The following RTKN2 variants were observed in gnomAD, a reference collection of about 807,000 sequenced individuals.
The protein encoded by RTKN2 is rhotekin-2.
In RTKN2, 69 loss-of-function variants were observed where a neutral mutation model predicts 71.5. The observed-to-expected ratio is 0.96, with a 90% CI of 0.79 to 1.18. The LOEUF is 1.18. Among genes scored for constraint, RTKN2 ranks in the 50% most tolerant of loss-of-function variants. The pLI, the probability that RTKN2 is intolerant of heterozygous loss-of-function variation, is 0.00. For synonymous variants in RTKN2, 236 were observed against 236.5 expected (o/e 1.00, Z 0.02); for missense variants, 724 against 719.7 (o/e 1.01, Z -0.07).
chr10:62,211,551 GAAGA>G (rs1436407313), intron 9 of RTKN2, among the ~76,000 whole-genome samples: 2 of 152,114 alleles, frequency 1.3e-5, no homozygotes, highest in Non-Finnish European at 2.9e-5. Context: ...CATGAGAAAA[GAAGA>G]AAGACAATCA....
downstream of RTKN2, among the ~76,000 whole-genome samples, chr10:62,192,968 T>A (rs780319294): frequency 6.6e-6 from 1 of 152,160 alleles, no homozygotes. Flanking sequence ...GTATGTTATA[T>A]CTATAGTATT....
chr10:62,214,586 G>A (rs759096168), intron 9 of RTKN2, among the ~76,000 whole-genome samples: 1 of 152,042 alleles, frequency 6.6e-6, no homozygotes. Context: ...CCACTTTTCT[G>A]GAATTAGATC....
At chr10:62,189,547 C>G (rs1044731369), downstream of RTKN2, among the ~76,000 whole-genome samples, 3 of 152,150 alleles carry the variant, frequency 2.0e-5, no homozygotes, top group African/African-American at 7.2e-5. Context: ...ATTCACCCAC[C>G]AGGTGCAGTG....
intron 6 of RTKN2, among the ~76,000 whole-genome samples, chr10:62,233,521 G>C (rs1358758006): frequency 2.0e-5 from 3 of 151,886 alleles, no homozygotes; most frequent in African/African-American, 7.3e-5. Flanking sequence ...TCAGAATGTA[G>C]ACTGGGACTG....
At chr10:62,218,340 A>C in intron 7 of RTKN2, 39 bp from the exon 8 acceptor site, 1 of 1,330,932 alleles carries the variant, frequency 7.5e-7, no homozygotes, top group Non-Finnish European at 1.1e-6. Context: ...TCAAGTTATA[A>C]ATATAAGTTT....
At chr10:62,236,421 G>T (rs925008319) in intron 5 of RTKN2, among the ~76,000 whole-genome samples, 158 bp from the exon 6 acceptor site, 6 of 152,010 alleles carry the variant, frequency 3.9e-5, no homozygotes, top group Admixed American at 3.9e-4. Flanking sequence ...CCATAAGGAT[G>T]GCTATTATCA....
chr10:62,255,006 T>G (rs999788107), intron 2 of RTKN2, among the ~76,000 whole-genome samples: 2 of 151,934 alleles, frequency 1.3e-5, no homozygotes, highest in Admixed American at 6.6e-5. Flanking sequence ...TAAAATGGAC[T>G]GGACAGAGGG....
intron 6 of RTKN2, among the ~76,000 whole-genome samples, chr10:62,225,906 C>T (rs1221539140): frequency 1.3e-5 from 2 of 151,924 alleles, no homozygotes; most frequent in Non-Finnish European, 2.9e-5. Flanking sequence ...CTCAGCCTCC[C>T]GAGTAGCTGG....
At position 62,217,187 on chromosome 10, in the gene RTKN2, G is replaced by A; in HGVS notation, c.951C>T (p.Leu317=). 1 of 1,600,510 alleles carries A rather than the reference G, an allele frequency of 6.2e-7. No homozygotes were observed. Among genetic ancestry groups the A allele is most frequent in the Non-Finnish European group, 8.5e-7 (1 of 1,174,186 alleles). The change falls in exon 9 of 12, where the codon CTC becomes CTT. Residue 317 remains leucine (L), a synonymous_variant. Coordinates refer to ENST00000373789, the MANE Select transcript of RTKN2 (RefSeq NM_145307.4). ...TTTCCTCTGGACTGTAAAAACAATA[G>A]AGTTTACCTCCTCGCAAAACACAAT... ...RLYCVLRGGK[L]YCFYSPEEIE...
intron 2 of RTKN2, among the ~76,000 whole-genome samples, chr10:62,248,668 T>G (rs867629212): frequency 6.6e-5 from 10 of 152,188 alleles, no homozygotes; most frequent in Admixed American, 1.3e-4. Context: ...ACTTAATTTT[T>G]ATTACTTATA....
chr10:62,239,878 T>C (rs1842337992), intron 4 of RTKN2, 113 bp from the exon 5 acceptor site: 3 of 641,254 alleles, frequency 4.7e-6, no homozygotes. Flanking sequence ...TTTTCATACA[T>C]TGTATACTGT....
chr10:62,201,289 TATG>T (rs1488902912), intron 10 of RTKN2, among the ~76,000 whole-genome samples: 3 of 152,138 alleles, frequency 2.0e-5, no homozygotes, highest in Non-Finnish European at 2.9e-5. Context: ...CTCATAGTAA[TATG>T]ATAATATATG....
At position 62,236,269 on chromosome 10, in the gene RTKN2, A is replaced by C. The variant is rs769491069; in HGVS notation, c.489-6T>G. 8.9e-6 allele frequency: 14 copies of C among 1,576,734 alleles called. No homozygotes were observed. Among genetic ancestry groups the C allele is most frequent in the Non-Finnish European group, 1.2e-5 (14 of 1,154,146 alleles). ...AGTCTGGCCCTGCTTCATTACTAAA[A>C]ACAAGGGCATTCATAATGTTGGAAA... On this transcript the variant is annotated splice_region_variant and splice_polypyrimidine_tract_variant and intron_variant, in intron 5 of 11. Coordinates refer to ENST00000373789, the MANE Select transcript of RTKN2 (RefSeq NM_145307.4).
At chr10:62,262,496 C>T in intron 2 of RTKN2, 129 bp downstream of exon 2, 1 of 602,802 alleles carries the variant, frequency 1.7e-6, no homozygotes, top group South Asian at 2.7e-5. Context: ...ATGTCAGCTG[C>T]TACTTCAGTG....
intron 6 of RTKN2, among the ~76,000 whole-genome samples, chr10:62,226,134 TTTTA>T (rs1481457095): frequency 6.6e-6 from 1 of 152,116 alleles, no homozygotes; most frequent in Non-Finnish European, 1.5e-5. Context: ...ATTTTCTTGA[TTTTA>T]TTTTTTTTCC....
At chr10:62,262,128 C>T (rs1387092012) in intron 2 of RTKN2, among the ~76,000 whole-genome samples, 1 of 152,164 alleles carries the variant, frequency 6.6e-6, no homozygotes, top group African/African-American at 2.4e-5. Flanking sequence ...GCATGAATGT[C>T]CTTGAGGTTT....
chr10:62,198,441 T>C lies in RTKN2; in HGVS notation c.1297A>G (p.Ile433Val). ...EATSVYHDMS[I>V]DSPMKLESLT... Reference sequence around the variant, plus strand: ...CTTTCAAGTTTCATAGGTGAATCAATGCCTATAATAATTTTAAGAAAAAAA... The same window carrying C: ...CTTTCAAGTTTCATAGGTGAATCAACGCCTATAATAATTTTAAGAAAAAAA... Residue 433 changes from isoleucine (I) to valine (V), a missense_variant and splice_region_variant, in exon 12 of 12, where the codon ATT becomes GTT. Ile to Val is a conservative substitution (Grantham distance 29). Coordinates refer to ENST00000373789, the MANE Select transcript of RTKN2 (RefSeq NM_145307.4). 2.1e-6 allele frequency: 3 copies of C among 1,458,468 alleles called. No individual in the cohort carries two copies. The highest frequency in any genetic ancestry group is 2.8e-6 in the Non-Finnish European group (3 of 1,079,706). The allele number at this position is 1,458,468 out of a possible 1,614,324, so 90.3% of individuals were successfully genotyped here. A position where few individuals can be genotyped will look rare whatever the true frequency, so the allele number is the denominator to read the frequency against.
chr10:62,203,263 A>G (rs918370223), intron 10 of RTKN2, among the ~76,000 whole-genome samples: 26 of 152,232 alleles, frequency 1.7e-4, no homozygotes, highest in East Asian at 5.8e-4. Flanking sequence ...ACATTTAGTA[A>G]AATGGTTAAA....
intron 2 of RTKN2, among the ~76,000 whole-genome samples, chr10:62,252,302 C>T (rs1337486956): frequency 6.6e-6 from 1 of 151,914 alleles, no homozygotes; most frequent in Non-Finnish European, 1.5e-5. Context: ...AAAGTCTTCA[C>T]AAAACTCAAG....
Sources: gnomAD v4.1 joint callset for allele counts (sites outside exome capture counted in the v4.1 genomes callset) on GRCh38, gnomAD v4.1.1 for gene constraint, MANE v1.5 for transcripts, NCBI Gene and HGNC (gene_info 2026-07-23, HGNC 2026-07-21) for gene names.